The following HDAC3 variants were observed in gnomAD, a reference collection of about 807,000 sequenced individuals.
The protein encoded by HDAC3 is SMAP45.
Under a neutral mutation model 62.3 loss-of-function variants are expected in HDAC3, and 21 were observed. The ratio of observed to expected loss-of-function variants is 0.34; its 90% CI spans 0.24 to 0.49. The LOEUF is 0.49. Among genes scored for constraint, HDAC3 ranks in the 20% least tolerant of loss-of-function variants. The pLI, the probability that HDAC3 is intolerant of heterozygous loss-of-function variation, is 0.99. For missense variants in HDAC3, 270 were observed against 556.9 expected (o/e 0.48, Z 5.19); for synonymous variants, 198 against 206.5 (o/e 0.96, Z 0.35).
intron 3 of HDAC3, among the ~76,000 whole-genome samples, chr5:141,632,786 T>C (rs1400567141): frequency 6.6e-6 from 1 of 152,116 alleles, no homozygotes; most frequent in Non-Finnish European, 1.5e-5. Flanking sequence ...TTGAAGAGGT[T>C]GAATAGAGAA....
At chr5:141,623,719 G>A (rs1158479255) in intron 14 of HDAC3, among the ~76,000 whole-genome samples, 1 of 152,112 alleles carries the variant, frequency 6.6e-6, no homozygotes, top group African/African-American at 2.4e-5. Flanking sequence ...GAGATTCGGA[G>A]GCCTGAATTC....
At chr5:141,630,195 T>A in intron 3 of HDAC3, 70 bp from the exon 4 acceptor site, 1 of 1,372,902 alleles carries the variant, frequency 7.3e-7, no homozygotes, top group Non-Finnish European at 1.0e-6. Context: ...TCCCTCCCCA[T>A]CCTAGATTCC....
Position 141,628,634 on chromosome 5 carries a change from T to C in HDAC3, c.616A>G (p.Met206Val). The change falls in exon 8 of 15, where the codon ATG becomes GTG. Residue 206 changes from methionine (M) to valine (V), a missense_variant. Around this residue, in one of 5 missense-constraint regions of HDAC3, gnomAD observed 156 missense variants for 383.9 expected, o/e 0.41. Coordinates refer to ENST00000305264, the MANE Select transcript of HDAC3 (RefSeq NM_003883.4). This position sits in a 1 kb window ranked among gnomAD's most constrained non-coding sequence, Gnocchi z 4.7. ...GNYFFPGTGD[M>V]YEVGAESGRY... is the part of the protein sequence containing the mutation. ...CCACTCTCTGCCCCGACTTCATACA[T>C]GTCACCTGTAGGGAAGTGGGTGGTG... The C allele has an allele frequency of 6.2e-7, 1 of 1,613,786 alleles. No homozygotes were observed. Among genetic ancestry groups the C allele is most frequent in the Non-Finnish European group, 8.5e-7 (1 of 1,179,786 alleles).
chr5:141,623,011 T>C (rs2099903924), intron 14 of HDAC3, among the ~76,000 whole-genome samples: 1 of 151,972 alleles, frequency 6.6e-6, no homozygotes, highest in Non-Finnish European at 1.5e-5. Context: ...GTAATCCAGC[T>C]ACTTGGGAGG....
In HDAC3 at chr5:141,628,814, A is replaced by C. The variant is rs1217608909; in HGVS notation, c.611-175T>G. Among the ~76,000 whole-genome samples, 3 of 152,182 alleles carry C rather than the reference A, an allele frequency of 2.0e-5. No homozygotes were observed. The highest frequency in any genetic ancestry group is 4.4e-5 in the Non-Finnish European group (3 of 68,038). On this transcript the variant is annotated intron_variant, in intron 7 of 14. Coordinates refer to ENST00000305264, the MANE Select transcript of HDAC3 (RefSeq NM_003883.4). The surrounding 1 kb of genome is among the most constrained non-coding windows in gnomAD (Gnocchi z 4.7). ...TTCATTGGGCAAATAGTTTTGGGGG[A>C]TCCACTCTGAGCCAACTGTGTACTA...
rs371694291 is a variant in HDAC3 at position 141,636,718 on chromosome 5, A to G, written c.55+18T>C. 3 of 1,613,996 alleles carry G rather than the reference A, an allele frequency of 1.9e-6. No individual in the cohort carries two copies. Among genetic ancestry groups the G allele is most frequent in the Non-Finnish European group, 2.5e-6 (3 of 1,179,858 alleles). On this transcript the variant is annotated intron_variant, in intron 1 of 14. Coordinates refer to ENST00000305264, the MANE Select transcript of HDAC3 (RefSeq NM_003883.4). Reference sequence around the variant, plus strand: ...ACCTCCGTGTCCCAACCCCTCATGCATATCCCTGTTTCCTCACCGTAGTGG... The same window carrying G: ...ACCTCCGTGTCCCAACCCCTCATGCGTATCCCTGTTTCCTCACCGTAGTGG...
At position 141,628,357 on chromosome 5, in the gene HDAC3, T is replaced by G. The variant is rs2099904740; in HGVS notation, c.692-170A>C. 1 of 720,336 alleles carries G rather than the reference T, an allele frequency of 1.4e-6. No homozygotes were observed. The highest frequency in any genetic ancestry group is 2.4e-6 in the Non-Finnish European group (1 of 416,070). 44.6% of individuals were successfully genotyped at this position (720,336 alleles called of 1,614,324 possible). A position where few individuals can be genotyped will look rare whatever the true frequency, so the allele number is the denominator to read the frequency against. On this transcript the variant is annotated intron_variant, in intron 8 of 14. Transcript: ENST00000305264. This position sits in a 1 kb window ranked among gnomAD's most constrained non-coding sequence, Gnocchi z 4.7. ...GGGATCCCAGACTGCTATGAGTGAC[T>G]GATGAAAGCCAATGACTTTTCCCAG... is the stretch of plus-strand genomic sequence containing the variant.
chr5:141,624,199 T>C (rs979277531), intron 14 of HDAC3, among the ~76,000 whole-genome samples: 4 of 151,090 alleles, frequency 2.6e-5, no homozygotes, highest in Admixed American at 6.6e-5. Flanking sequence ...GGCAAGACTA[T>C]AGGGTGCTAC....
chr5:141,621,546 C>T lies in HDAC3; in HGVS notation c.1218-9G>A. Reference sequence around the variant, plus strand: ...CATTGGGTGCCTCTGGCCTGCAAAGCAAGGGGAGAGAGGTCAGGATCTCAC... The same window carrying T: ...CATTGGGTGCCTCTGGCCTGCAAAGTAAGGGGAGAGAGGTCAGGATCTCAC... On this transcript the variant is annotated splice_polypyrimidine_tract_variant and intron_variant, in intron 14 of 14. Coordinates refer to ENST00000305264, the MANE Select transcript of HDAC3 (RefSeq NM_003883.4). 6.2e-7 allele frequency: 1 copy of T among 1,611,858 alleles called. No homozygotes were observed. Among genetic ancestry groups the T allele is most frequent in the Non-Finnish European group, 8.5e-7 (1 of 1,177,970 alleles).
rs754455022 is a variant in HDAC3, at chr5:141,626,286, G to A, written c.831-3C>T. 1.2e-6 allele frequency: 2 copies of A among 1,612,332 alleles called. No individual in the cohort carries two copies. The highest frequency in any genetic ancestry group is 2.2e-5 in the East Asian group (1 of 44,866). On this transcript the variant is annotated splice_polypyrimidine_tract_variant and splice_region_variant and intron_variant, in intron 10 of 14. Coordinates refer to ENST00000305264, the MANE Select transcript of HDAC3 (RefSeq NM_003883.4). This position sits in a 1 kb window ranked among gnomAD's most constrained non-coding sequence, Gnocchi z 4.6. ...TCTTGACATATTCAACGCATTCCCTGTTAAAAGGAACCAGAGGAAGATGTG... is the reference window on the plus strand; with the variant it reads ...TCTTGACATATTCAACGCATTCCCTATTAAAAGGAACCAGAGGAAGATGTG...
At chr5:141,635,065 C>T in intron 2 of HDAC3, 112 bp from the exon 3 acceptor site, 1 of 1,025,392 alleles carries the variant, frequency 9.8e-7, no homozygotes, top group Non-Finnish European at 1.4e-6. Flanking sequence ...ACATAGCATT[C>T]CCCTCATCCC....
Position 141,629,050 on chromosome 5 carries a change from G to T in HDAC3, c.610+123C>A. 1 of 896,608 alleles carries T rather than the reference G, an allele frequency of 1.1e-6. No individual in the cohort carries two copies. The highest frequency in any genetic ancestry group is 1.7e-6 in the Non-Finnish European group (1 of 579,236). 55.5% of individuals were successfully genotyped at this position (896,608 alleles called of 1,614,324 possible). Reference sequence around the variant, plus strand: ...GGGAAGGAGGTGATTATGATAACTGGAGTGGTAAGGAAAGGCTTCTCTGAG... The same window carrying T: ...GGGAAGGAGGTGATTATGATAACTGTAGTGGTAAGGAAAGGCTTCTCTGAG... On this transcript the variant is annotated intron_variant, in intron 7 of 14. Transcript: ENST00000305264. The surrounding 1 kb of genome is among the most constrained non-coding windows in gnomAD (Gnocchi z 5.3).
At chr5:141,636,664 C>CA in intron 1 of HDAC3, 34 bp from the exon 2 acceptor site, 1 of 1,613,322 alleles carries the variant, frequency 6.2e-7, no homozygotes, top group Non-Finnish European at 8.5e-7. Context: ...CGTCAGCTCT[C>CA]ACCCCTGGAG....
In HDAC3 at chr5:141,636,382, C is replaced by G. The variant is rs546296444; in HGVS notation, c.138+166G>C. ...AAAGTACTTTCCATTAAGCAGAGGA[C>G]GCCACCCCCAACACCCTGCACTTTC... On this transcript the variant is annotated intron_variant, in intron 2 of 14. Coordinates refer to ENST00000305264, the MANE Select transcript of HDAC3 (RefSeq NM_003883.4). 4.3e-5 allele frequency: 28 copies of G among 649,724 alleles called. No homozygotes were observed. The South Asian group carries it at 4.9e-4, about 11-fold the overall frequency. The allele number at this position is 649,724 out of a possible 1,614,324, so 40.2% of individuals were successfully genotyped here.
chr5:141,625,312 A>G lies in HDAC3; in HGVS notation c.1113T>C (p.His371=). ...TIFENLKMLN[H]APSVQIHDVP... is the part of the protein sequence containing the mutation. Reference sequence around the variant, plus strand: ...CGTCATGAATCTGGACACTAGGTGCATGGTTCAGCATCTTCAGGTTTTCAA... The same window carrying G: ...CGTCATGAATCTGGACACTAGGTGCGTGGTTCAGCATCTTCAGGTTTTCAA... Residue 371 remains histidine (H), a synonymous_variant, in exon 14 of 15, where the codon CAT becomes CAC. Transcript: ENST00000305264. This position sits in a 1 kb window ranked among gnomAD's most constrained non-coding sequence, Gnocchi z 4.0. 1.2e-6 allele frequency: 2 copies of G among 1,614,150 alleles called. No individual in the cohort carries two copies. The highest frequency in any genetic ancestry group is 1.7e-6 in the Non-Finnish European group (2 of 1,180,012).
rs2099904738 is a variant in HDAC3, at chr5:141,628,349, T to C, written c.692-162A>G. 2 of 725,474 alleles carry C rather than the reference T, an allele frequency of 2.8e-6. No individual in the cohort carries two copies. Among genetic ancestry groups the C allele is most frequent in the Admixed American group, 5.0e-5 (2 of 40,024 alleles). 44.9% of individuals were successfully genotyped at this position (725,474 alleles called of 1,614,324 possible). A position where few individuals can be genotyped will look rare whatever the true frequency, so the allele number is the denominator to read the frequency against. ...TTCTGGAAGGGATCCCAGACTGCTA[T>C]GAGTGACTGATGAAAGCCAATGACT... On this transcript the variant is annotated intron_variant, in intron 8 of 14. Coordinates refer to ENST00000305264, the MANE Select transcript of HDAC3 (RefSeq NM_003883.4). The surrounding 1 kb of genome is among the most constrained non-coding windows in gnomAD (Gnocchi z 4.7).
At chr5:141,631,191 G>A (rs1003829850) in intron 3 of HDAC3, among the ~76,000 whole-genome samples, 1 of 151,896 alleles carries the variant, frequency 6.6e-6, no homozygotes, top group Admixed American at 6.6e-5. Context: ...GGGGTTTTTT[G>A]TTTGTTTGTT....
Position 141,629,042 on chromosome 5 carries a change from G to T in HDAC3, c.610+131C>A. 1.2e-6 allele frequency: 1 copy of T among 842,190 alleles called. No individual in the cohort carries two copies. The highest frequency in any genetic ancestry group is 2.7e-5 in the East Asian group (1 of 37,506). 52.2% of individuals were successfully genotyped at this position (842,190 alleles called of 1,614,324 possible). ...GAGGAATGGGGAAGGAGGTGATTATGATAACTGGAGTGGTAAGGAAAGGCT... is the reference window on the plus strand; with the variant it reads ...GAGGAATGGGGAAGGAGGTGATTATTATAACTGGAGTGGTAAGGAAAGGCT... On this transcript the variant is annotated intron_variant, in intron 7 of 14. Transcript: ENST00000305264. This position sits in a 1 kb window ranked among gnomAD's most constrained non-coding sequence, Gnocchi z 5.3.
At chr5:141,624,292 T>G (rs1481239401) in intron 14 of HDAC3, among the ~76,000 whole-genome samples, 1 of 140,016 alleles carries the variant, frequency 7.1e-6, no homozygotes, top group Non-Finnish European at 1.5e-5. Flanking sequence ...TCCCAGCACT[T>G]TGGAAGGCTG....
Sources: gnomAD v4.1 joint callset for allele counts (sites outside exome capture counted in the v4.1 genomes callset) on GRCh38, gnomAD v4.1.1 for gene constraint, gnomAD v4.1.1 regional missense constraint, Gnocchi (gnomAD v3.1) non-coding constraint, MANE v1.5 for transcripts, NCBI Gene and HGNC (gene_info 2026-07-23, HGNC 2026-07-21) for gene names.